Variants in GPATCH11 observed in about 807,000 individuals in gnomAD.
GPATCH11 encodes the protein G patch domain-containing protein 11.
A neutral mutation model predicts 44.8 loss-of-function variants in GPATCH11; 32 were observed. The ratio of observed to expected loss-of-function variants is 0.71; its 90% confidence interval spans 0.54 to 0.96. The LOEUF (loss-of-function observed/expected upper bound fraction) is 0.96. Among genes scored for constraint, GPATCH11 ranks in the 40% least tolerant of loss-of-function variants. The pLI, the probability that GPATCH11 is intolerant of heterozygous loss-of-function variation, is 0.00. For synonymous variants in GPATCH11, 84 were observed against 94.4 expected (o/e 0.89, Z 0.64); for missense variants, 324 against 303.1 (o/e 1.07, Z -0.51).
chr2:37,086,724 G>A (rs554330153), intron 1 of GPATCH11, among the ~76,000 whole-genome samples: 24 of 152,226 alleles, frequency 1.6e-4, no homozygotes, highest in Non-Finnish European at 2.8e-4. Flanking sequence ...GCTTGAACTC[G>A]GCAGGTGTAG....
intron 6 of GPATCH11, among the ~76,000 whole-genome samples, chr2:37,093,214 G>T (rs1673418719): frequency 6.6e-6 from 1 of 152,078 alleles, no homozygotes; most frequent in African/African-American, 2.4e-5. Flanking sequence ...TCTGTCTCTG[G>T]CTGGGCATGG....
At position 37,094,118 on chromosome 2, in the gene GPATCH11, A is replaced by G; in HGVS notation, c.577A>G (p.Arg193Gly). 1 of 1,597,446 alleles carries G rather than the reference A, an allele frequency of 6.3e-7. No homozygotes were observed. The highest frequency in any genetic ancestry group is 1.7e-5 in the Admixed American group (1 of 57,474). ...TCCCAGGGAAGCATGGTACTGGTTG[A>G]GGCTTGAAGAGGAGACTGAAGAAGA... ...QVPREAWYWL[R>G]LEEETEEDEE... The change falls in exon 7 of 9, where the codon AGG becomes GGG. Residue 193 changes from arginine to glycine, a missense_variant. Physicochemically the swap from Arg to Gly is moderately radical, Grantham distance 125. Transcript: ENST00000674370.
chr2:37,089,185 G>T (rs1673186352), intron 2 of GPATCH11, among the ~76,000 whole-genome samples: 1 of 152,164 alleles, frequency 6.6e-6, no homozygotes, highest in African/African-American at 2.4e-5. Flanking sequence ...AGAGGTCACT[G>T]ATTATGTTCT....
In GPATCH11 at chr2:37,096,777, A is replaced by AGG. The variant is rs1558399557; in HGVS notation, c.*517_*518dup. 6.4e-6 allele frequency: 1 copy of AGG among 156,824 alleles called. No homozygotes were observed. Among genetic ancestry groups the AGG allele is most frequent in the Non-Finnish European group, 1.4e-5 (1 of 71,586 alleles). The allele number at this position is 156,824 out of a possible 1,614,324, so 9.7% of individuals were successfully genotyped here. ...AGCTTTCAAGGTCAGGGAAACCACC[A>AGG]GGGGCTGGACCACACATGCTCAGTT... On this transcript the variant is annotated 3_prime_UTR_variant, in exon 9 of 9. Coordinates refer to ENST00000674370, the MANE Select transcript of GPATCH11 (RefSeq NM_174931.4).
intron 6 of GPATCH11, 55 bp downstream of exon 6, chr2:37,092,310 T>C (rs1286134763): frequency 6.5e-6 from 3 of 464,196 alleles, no homozygotes; most frequent in East Asian, 4.8e-5. Flanking sequence ...CCCCTGTGAT[T>C]TCCCGTTTAT....
chr2:37,094,684 G>A (rs1290500542), intron 7 of GPATCH11, among the ~76,000 whole-genome samples: 2 of 152,206 alleles, frequency 1.3e-5, no homozygotes, highest in Admixed American at 6.5e-5. Flanking sequence ...GCTCACACCT[G>A]TAATCCAAAC....
Position 37,088,456 on chromosome 2 carries a change from C to A in GPATCH11, c.59+16C>A. On this transcript the variant is annotated intron_variant, in intron 2 of 8. Transcript: ENST00000674370. The stretch of plus-strand genomic sequence containing the variant: ...TTAATGTCCAGTAAGTAAATGTGCA[C>A]ACCCAGTGCAATGATATGTATAAGA... 8.0e-7 allele frequency: 1 copy of A among 1,256,930 alleles called. No homozygotes were observed. Among genetic ancestry groups the A allele is most frequent in the East Asian group, 2.3e-5 (1 of 43,016 alleles). The allele number at this position is 1,256,930 out of a possible 1,614,324, so 77.9% of individuals were successfully genotyped here. A position where few individuals can be genotyped will look rare whatever the true frequency, so the allele number is the denominator to read the frequency against.
chr2:37,093,638 C>T (rs1673435196), intron 6 of GPATCH11, among the ~76,000 whole-genome samples: 1 of 152,126 alleles, frequency 6.6e-6, no homozygotes, highest in Admixed American at 6.6e-5. Flanking sequence ...GACTTTGCAT[C>T]CCCATAGTTC....
At position 37,092,699 on chromosome 2, in the gene GPATCH11, G is replaced by A. The variant is rs554320822; in HGVS notation, c.540+444G>A. On this transcript the variant is annotated intron_variant, in intron 6 of 8. Transcript: ENST00000674370. ...TATACTAACTATAGTAAAACAAAAA[G>A]GGTTAAATAAAATTTTACATTTAAT... 2.0e-5 allele frequency among the ~76,000 whole-genome samples: 3 copies of A among 151,512 alleles called. No individual in the cohort carries two copies. In the South Asian group the frequency reaches 6.3e-4, roughly 32 times the overall value.
chr2:37,096,153 T>G (rs1673567717), intron 8 of GPATCH11, 55 bp from the exon 9 acceptor site: 1 of 1,027,102 alleles, frequency 9.7e-7, no homozygotes, highest in South Asian at 1.5e-5. Flanking sequence ...GAAATAATTT[T>G]CTAGTTTACT....
chr2:37,088,393 C>T lies in GPATCH11; in HGVS notation c.12C>T (p.Asn4=), dbSNP rs1386347509. The part of the protein sequence containing the change: MKL[N]MAEEEDYMSD... ...GATACTATAGCCATATGAAGTTGAACATGGCAGAAGAAGAGGACTATATGT... is the reference window on the plus strand; with the variant it reads ...GATACTATAGCCATATGAAGTTGAATATGGCAGAAGAAGAGGACTATATGT... The change falls in exon 2 of 9, where the codon AAC becomes AAT. Residue 4 remains asparagine, a synonymous_variant. Transcript: ENST00000674370. The T allele has an allele frequency of 6.4e-7, 1 of 1,564,176 alleles. No homozygotes were observed.
At chr2:37,086,533 G>A (rs1260582257) in intron 1 of GPATCH11, among the ~76,000 whole-genome samples, 2 of 152,158 alleles carry the variant, frequency 1.3e-5, no homozygotes, top group South Asian at 2.1e-4. Context: ...GGTGGCTCAC[G>A]CCTGTAATCC....
chr2:37,098,462 A>T lies in GPATCH11; in HGVS notation c.*2199A>T, dbSNP rs1432424134. ...CAATACTGTGGTGTCATTTCAGCCA[A>T]CATACCAACATTCAGTCAAATCCCA... On this transcript the variant is annotated 3_prime_UTR_variant, in exon 9 of 9. Coordinates refer to ENST00000674370, the MANE Select transcript of GPATCH11 (RefSeq NM_174931.4). 6.6e-6 allele frequency: 1 copy of T among 152,038 alleles called. No individual in the cohort carries two copies. The highest frequency in any genetic ancestry group is 2.4e-5 in the African/African-American group (1 of 41,406). The allele number at this position is 152,038 out of a possible 1,614,324, so 9.4% of individuals were successfully genotyped here. A position where few individuals can be genotyped will look rare whatever the true frequency, so the allele number is the denominator to read the frequency against.
At chr2:37,095,570 T>G in intron 8 of GPATCH11, 52 bp downstream of exon 8, 1 of 1,480,572 alleles carries the variant, frequency 6.8e-7, no homozygotes, top group Non-Finnish European at 9.0e-7. Flanking sequence ...TCTCCAATTT[T>G]TAGTTAAAGT....
At chr2:37,095,296 T>A in intron 7 of GPATCH11, 141 bp from the exon 8 acceptor site, 1 of 1,063,040 alleles carries the variant, frequency 9.4e-7, no homozygotes, top group Non-Finnish European at 1.3e-6. Flanking sequence ...AATATATCAG[T>A]TCTGTCCTTG....
chr2:37,092,423 A>T (rs1330287188), intron 6 of GPATCH11, among the ~76,000 whole-genome samples, 168 bp downstream of exon 6: 5 of 145,308 alleles, frequency 3.4e-5, no homozygotes, highest in African/African-American at 1.2e-4. Flanking sequence ...ATATATATTT[A>T]TATATTTTTT....
At chr2:37,086,328 G>A (rs957902380) in intron 1 of GPATCH11, among the ~76,000 whole-genome samples, 4 of 152,154 alleles carry the variant, frequency 2.6e-5, no homozygotes, top group African/African-American at 9.7e-5. Flanking sequence ...GTTGACATAG[G>A]AAAAAGTTAT....
At position 37,098,365 on chromosome 2, in the gene GPATCH11, T is replaced by TAGAG. The variant is rs1255610583; in HGVS notation, c.*2103_*2104insGAGA. The TAGAG allele has an allele frequency of 2.9e-5, 4 of 138,296 alleles. No homozygotes were observed. Among genetic ancestry groups the TAGAG allele is most frequent in the East Asian group, 2.0e-4 (1 of 4,976 alleles). 8.6% of individuals were successfully genotyped at this position (138,296 alleles called of 1,614,324 possible). Reference sequence around the variant, plus strand: ...ATATATATGTATGTATATATATATATATATAGAGAGAGAGAGAGAGAGAGA... The same window carrying TAGAG: ...ATATATATGTATGTATATATATATATAGAGATATAGAGAGAGAGAGAGAGAGAGA... On this transcript the variant is annotated 3_prime_UTR_variant, in exon 9 of 9. Coordinates refer to ENST00000674370, the MANE Select transcript of GPATCH11 (RefSeq NM_174931.4).
chr2:37,086,590 G>C (rs183233295), intron 1 of GPATCH11, among the ~76,000 whole-genome samples: 11 of 152,316 alleles, frequency 7.2e-5, no homozygotes, highest in Non-Finnish European at 1.6e-4. Flanking sequence ...CTTGAGGCCA[G>C]GAGTTTGAGA....
Sources: gnomAD v4.1 joint callset for allele counts (sites outside exome capture counted in the v4.1 genomes callset) on GRCh38, gnomAD v4.1.1 for gene constraint, MANE v1.5 for transcripts, NCBI Gene and HGNC (gene_info 2026-07-23, HGNC 2026-07-21) for gene names.